CAST: variants seen among roughly 807,000 people sequenced by gnomAD.
CAST encodes MIR583 host.
CAST carries 76 observed loss-of-function variants against 119.6 expected under a neutral mutation model. The ratio of observed to expected loss-of-function variants is 0.64; its 90% CI spans 0.53 to 0.77. The LOEUF is 0.77. Ranked by LOEUF, CAST falls within the 30% of genes least tolerant of loss-of-function variation. The pLI, the probability that CAST is intolerant of heterozygous loss-of-function variation, is 0.00. For synonymous variants in CAST, 319 were observed against 331.6 expected (o/e 0.96, Z 0.41); for missense variants, 953 against 946.5 (o/e 1.01, Z -0.09).
At chr5:96,378,853 A>G in the CAST span, among the ~76,000 whole-genome samples, 11 of 152,122 alleles carry the variant, frequency 7.2e-5, no homozygotes, top group African/African-American at 2.7e-4. Context: ...TAAAAATTTT[A>G]TGTTGGTGTA....
At chr5:96,056,428 C>T in the CAST span, among the ~76,000 whole-genome samples, 1 of 152,154 alleles carries the variant, frequency 6.6e-6, no homozygotes, top group African/African-American at 2.4e-5. Flanking sequence ...AGCCCCAACT[C>T]CTGTATTTAT....
At chr5:96,655,015 T>G (rs978111679) in intron 1 of CAST, among the ~76,000 whole-genome samples, 3 of 152,246 alleles carry the variant, frequency 2.0e-5, no homozygotes, top group African/African-American at 4.8e-5. Flanking sequence ...TCTTGATGTA[T>G]AGCTCTATCT....
At chr5:96,291,840 C>CTGCG in the CAST span, among the ~76,000 whole-genome samples, 1 of 82,654 alleles carries the variant, frequency 1.2e-5, no homozygotes, top group African/African-American at 4.5e-5. Flanking sequence ...GATTCCCAGT[C>CTGCG]TGCGTGTGTG....
At chr5:96,408,976 T>C in the CAST span, among the ~76,000 whole-genome samples, 1 of 152,240 alleles carries the variant, frequency 6.6e-6, no homozygotes, top group Non-Finnish European at 1.5e-5. Context: ...AATAGATTTG[T>C]CCTCGGGCAA....
chr5:96,628,895 C>T (rs1218990446), intron 1 of CAST, among the ~76,000 whole-genome samples: 1 of 152,122 alleles, frequency 6.6e-6, no homozygotes, highest in African/African-American at 2.4e-5. Flanking sequence ...AGCCATTTTG[C>T]AGGATGTGTG....
chr5:96,600,925 C>T (rs951654542), intron 1 of CAST, among the ~76,000 whole-genome samples: 10 of 152,172 alleles, frequency 6.6e-5, no homozygotes, highest in South Asian at 2.1e-4. Context: ...TCAAAACATA[C>T]TAACCTCTGC....
At chr5:96,665,114 T>C (rs1183440339) in intron 1 of CAST, among the ~76,000 whole-genome samples, 4 of 152,294 alleles carry the variant, frequency 2.6e-5, no homozygotes, top group Admixed American at 2.6e-4. Context: ...CCATGAAAAC[T>C]TTTTGCTAGT....
intron 9 of CAST, 130 bp downstream of exon 9, chr5:96,730,990 A>G: frequency 1.5e-6 from 1 of 684,800 alleles, no homozygotes; most frequent in Admixed American, 2.4e-5. Context: ...TTTTGTGAAG[A>G]GCATGCATTT....
chr5:96,654,453 C>A (rs1006315792), intron 1 of CAST, among the ~76,000 whole-genome samples: 1 of 152,112 alleles, frequency 6.6e-6, no homozygotes, highest in African/African-American at 2.4e-5. Context: ...AAAAACCTCA[C>A]GTGTAGTGTG....
the CAST span, among the ~76,000 whole-genome samples, chr5:96,238,357 T>TCTTCTTCTTCTTCTTCTTCTTCTTCTC: frequency 7.9e-4 from 63 of 79,674 alleles, no homozygotes; most frequent in Non-Finnish European, 9.7e-4. Context: ...ATCTTCATCT[T>TCTTCTTCTTCTTCTTCTTCTTCTTCTC]CTTCTTCTCC....
At chr5:96,766,927 T>C (rs1454746921) in intron 27 of CAST, among the ~76,000 whole-genome samples, 1 of 152,198 alleles carries the variant, frequency 6.6e-6, no homozygotes, top group Non-Finnish European at 1.5e-5. Context: ...CAATTCTCCT[T>C]GCTTGCATTC....
At chr5:96,681,540 C>T (rs1321311004) in intron 2 of CAST, among the ~76,000 whole-genome samples, 2 of 151,396 alleles carry the variant, frequency 1.3e-5, no homozygotes, top group African/African-American at 2.4e-5. Flanking sequence ...GAGACCATCC[C>T]GGCTAAAACG....
chr5:95,975,540 A>T, the CAST span, among the ~76,000 whole-genome samples: 311 of 152,342 alleles, frequency 2.0e-3, 1 homozygote, highest in African/African-American at 7.1e-3. Flanking sequence ...CTGAATTTTT[A>T]AAATACTCTT....
At chr5:96,163,203 C>T in the CAST span, among the ~76,000 whole-genome samples, 2 of 152,098 alleles carry the variant, frequency 1.3e-5, no homozygotes, top group Non-Finnish European at 2.9e-5. Context: ...CTCTTATAAT[C>T]CTTTTTATTT....
At chr5:96,417,099 A>G in the CAST span, among the ~76,000 whole-genome samples, 1 of 152,200 alleles carries the variant, frequency 6.6e-6, no homozygotes, top group Non-Finnish European at 1.5e-5. Flanking sequence ...GTTAGCTCGG[A>G]GCAATAATGT....
At chr5:96,179,807 C>G in the CAST span, among the ~76,000 whole-genome samples, 2 of 152,048 alleles carry the variant, frequency 1.3e-5, no homozygotes, top group South Asian at 2.1e-4. Context: ...GAGGCCGAGG[C>G]GGGTGGATCA....
the CAST span, among the ~76,000 whole-genome samples, chr5:96,475,184 G>A: frequency 6.6e-6 from 1 of 152,124 alleles, no homozygotes; most frequent in Admixed American, 6.5e-5. Flanking sequence ...TGTCGGAGAG[G>A]CCCCTCATCC....
the CAST span, among the ~76,000 whole-genome samples, chr5:96,095,147 C>G: frequency 6.6e-6 from 1 of 152,150 alleles, no homozygotes; most frequent in Non-Finnish European, 1.5e-5. Flanking sequence ...TTTGCAAATG[C>G]AGCATTTTGA....
the CAST span, among the ~76,000 whole-genome samples, chr5:95,979,115 C>T: frequency 1.3e-5 from 2 of 152,028 alleles, no homozygotes; most frequent in Non-Finnish European, 1.5e-5. Flanking sequence ...ATGTTGCTAA[C>T]GTCCCCTATA....
Sources: allele counts gnomAD v4.1 joint callset (sites outside exome capture counted in the v4.1 genomes callset), GRCh38; gene constraint gnomAD v4.1.1; transcripts MANE v1.5; gene names NCBI Gene and HGNC (gene_info 2026-07-23, HGNC 2026-07-21).